Variants in DPP10 observed in about 807,000 individuals in gnomAD.
DPP10 encodes dipeptidyl peptidase like 10, also known as inactive dipeptidyl peptidase 10.
DPP10 carries 33 observed loss-of-function variants against 120.9 expected under a neutral mutation model. The ratio of observed to expected loss-of-function variants is 0.27; its 90% CI spans 0.21 to 0.37. The LOEUF (loss-of-function observed/expected upper bound fraction) is 0.37. DPP10 is among the 10% of genes least tolerant of loss of function. The pLI is 1.00. For synonymous variants in DPP10, 337 were observed against 326.1 expected (o/e 1.03, Z -0.36); for missense variants, 816 against 942.8 (o/e 0.87, Z 1.76).
chr2:114,565,486 A>G (rs1452296101), intron 1 of DPP10, among the ~76,000 whole-genome samples: 2 of 152,222 alleles, frequency 1.3e-5, no homozygotes, highest in Non-Finnish European at 2.9e-5. Context: ...AATGGATTTT[A>G]GTCAAGCTTA....
chr2:114,921,860 G>A (rs1695218704), intron 1 of DPP10, among the ~76,000 whole-genome samples: 1 of 152,210 alleles, frequency 6.6e-6, no homozygotes, highest in Non-Finnish European at 1.5e-5. Context: ...GAATGAGTGA[G>A]TGCATGAGCA....
intron 1 of DPP10, among the ~76,000 whole-genome samples, chr2:114,881,986 A>G (rs1293379081): frequency 6.6e-6 from 1 of 152,052 alleles, no homozygotes; most frequent in Non-Finnish European, 1.5e-5. Context: ...CATGTAACAC[A>G]TTTTCTGTCC....
At chr2:114,642,428 C>T (rs1695779315) in intron 1 of DPP10, among the ~76,000 whole-genome samples, 1 of 151,870 alleles carries the variant, frequency 6.6e-6, no homozygotes, top group Non-Finnish European at 1.5e-5. Context: ...GTGCACTACC[C>T]CCAATGAGTT....
chr2:115,538,448 G>C (rs918874267), intron 5 of DPP10, among the ~76,000 whole-genome samples: 1 of 151,866 alleles, frequency 6.6e-6, no homozygotes, highest in South Asian at 2.1e-4. Context: ...ATAGATAAAA[G>C]TATACTTATC....
intron 1 of DPP10, among the ~76,000 whole-genome samples, chr2:115,020,122 C>A: frequency 6.6e-6 from 1 of 152,064 alleles, no homozygotes; most frequent in South Asian, 2.1e-4. Context: ...GTTATTCAGA[C>A]AACAAACAGC....
At chr2:115,389,026 A>T (rs1273214042) in intron 3 of DPP10, among the ~76,000 whole-genome samples, 3 of 152,146 alleles carry the variant, frequency 2.0e-5, no homozygotes, top group African/African-American at 4.8e-5. Context: ...AAATACATAT[A>T]ACTTCTCCAA....
intron 3 of DPP10, among the ~76,000 whole-genome samples, chr2:115,364,620 G>C (rs1559487728): frequency 6.7e-6 from 1 of 149,410 alleles, no homozygotes; most frequent in Admixed American, 6.7e-5. Context: ...GACTTTCCCA[G>C]ACATCTTTTT....
At chr2:115,630,366 A>C in intron 5 of DPP10, among the ~76,000 whole-genome samples, 1 of 152,052 alleles carries the variant, frequency 6.6e-6, no homozygotes, top group East Asian at 1.9e-4. Flanking sequence ...AGACAGTTTG[A>C]CTTCCTCTCT....
In DPP10 at chr2:115,133,151, A is replaced by G. The variant is rs1389233193; in HGVS notation, c.61-176088A>G. 5.6e-3 allele frequency among the ~76,000 whole-genome samples: 564 copies of G among 100,382 alleles called. 13 individuals carry two copies. The highest frequency in any genetic ancestry group is 0.024 in the African/African-American group (521 of 21,718). 65.9% of individuals were successfully genotyped at this position (100,382 alleles called of 152,430 possible). A position where few individuals can be genotyped will look rare whatever the true frequency, so the allele number is the denominator to read the frequency against. ...TGTGTGTGTGTGTGTGTGTGTATAT[A>G]TATATATATATATATATATATATAT... On this transcript the variant is annotated intron_variant, in intron 1 of 25. Coordinates refer to ENST00000410059, the MANE Select transcript of DPP10 (RefSeq NM_020868.6).
rs141065262 is a variant in DPP10, at chr2:115,840,474, G to A, written c.2183-276G>A. Among the ~76,000 whole-genome samples the A allele has an allele frequency of 2.7e-4, 41 of 151,272 alleles. No homozygotes were observed. The East Asian group carries it at 6.6e-3, about 25-fold the overall frequency. ...CGAGTAGCTGGGACTACAGGTGCCC[G>A]CCACCACACCGGCTAATTTTTTATA... is the stretch of plus-strand genomic sequence containing the variant. On this transcript the variant is annotated intron_variant, in intron 24 of 25. Transcript: ENST00000410059.
At chr2:115,380,027 T>C (rs1574630676) in intron 3 of DPP10, among the ~76,000 whole-genome samples, 1 of 152,162 alleles carries the variant, frequency 6.6e-6, no homozygotes, top group Non-Finnish European at 1.5e-5. Flanking sequence ...ATATATATTC[T>C]GTTCATTTGG....
chr2:115,015,033 G>T (rs962392985), intron 1 of DPP10, among the ~76,000 whole-genome samples: 1 of 152,016 alleles, frequency 6.6e-6, no homozygotes, highest in East Asian at 1.9e-4. Context: ...CCAAAAACTA[G>T]CAGAGAAACA....
chr2:115,762,800 CATTTTTTTAGGAGACATAAA>C (rs1680274466), intron 12 of DPP10, among the ~76,000 whole-genome samples, 190 bp downstream of exon 12: 1 of 152,256 alleles, frequency 6.6e-6, no homozygotes, highest in Admixed American at 6.5e-5. Flanking sequence ...AGGTTACTTC[CATTTTTTTAGGAGACATAAA>C]TTGCAGAGTA....
intron 1 of DPP10, among the ~76,000 whole-genome samples, chr2:115,295,960 A>G (rs1366081492): frequency 6.6e-6 from 1 of 152,274 alleles, no homozygotes; most frequent in Non-Finnish European, 1.5e-5. Context: ...ATAAGTGATA[A>G]TAAATAAATG....
rs1677119705 is a variant in DPP10, at chr2:114,733,507, G to A, written c.60+290669G>A. 1.3e-5 allele frequency among the ~76,000 whole-genome samples: 2 copies of A among 152,138 alleles called. 1 individual carries two copies. Among genetic ancestry groups the A allele is most frequent in the South Asian group, 4.1e-4 (2 of 4,832 alleles). ...TATTTCCTACTCATAATAATATCAA[G>A]TAAGAACATCTATTTCCAGAAGTAG... On this transcript the variant is annotated intron_variant, in intron 1 of 25. Coordinates refer to ENST00000410059, the MANE Select transcript of DPP10 (RefSeq NM_020868.6).
At chr2:114,497,348 C>CACATGT (rs1231767227) in intron 1 of DPP10, among the ~76,000 whole-genome samples, 83 of 27,152 alleles carry the variant, frequency 3.1e-3, no homozygotes, top group African/African-American at 6.3e-3. Context: ...CATATACATA[C>CACATGT]ACATGTACAT....
At chr2:114,877,872 T>A (rs893054597) in intron 1 of DPP10, among the ~76,000 whole-genome samples, 1 of 151,994 alleles carries the variant, frequency 6.6e-6, no homozygotes, top group South Asian at 2.1e-4. Flanking sequence ...ACCCACTAGA[T>A]GCTAGCAGCA....
chr2:115,046,010 CTGTG>C (rs10538369), intron 1 of DPP10, among the ~76,000 whole-genome samples: 147,921 of 151,652 alleles, frequency 0.98, 72,240 homozygotes, highest in Middle Eastern at 1. Context: ...GTGTGTGTGT[CTGTG>C]TGTGTGTGTG....
intron 8 of DPP10, among the ~76,000 whole-genome samples, chr2:115,731,155 T>G (rs2092899200): frequency 1.3e-5 from 2 of 151,928 alleles, no homozygotes; most frequent in South Asian, 4.1e-4. Flanking sequence ...GTCAGGAGAT[T>G]GAGACCATCC....
Sources: allele counts gnomAD v4.1 joint callset (sites outside exome capture counted in the v4.1 genomes callset), GRCh38; gene constraint gnomAD v4.1.1; transcripts MANE v1.5; gene names NCBI Gene and HGNC (gene_info 2026-07-23, HGNC 2026-07-21).